OSBPL6: variants seen among roughly 807,000 people sequenced by gnomAD.
OSBPL6 encodes oxysterol binding protein like 6, also known as oxysterol-binding protein-related protein 6.
Under a neutral mutation model 125.8 loss-of-function variants are expected in OSBPL6, and 49 were observed. That is an observed-to-expected ratio of 0.39 (90% CI 0.31 to 0.49). The LOEUF is 0.49. OSBPL6 is among the 20% of genes least tolerant of loss of function. OSBPL6 has a pLI of 0.88. For synonymous variants in OSBPL6, 394 were observed against 391.8 expected (o/e 1.01, Z -0.07); for missense variants, 986 against 1,135.4 (o/e 0.87, Z 1.89).
At chr2:178,228,395 T>C (rs537852561) in intron 1 of OSBPL6, among the ~76,000 whole-genome samples, 58 of 151,996 alleles carry the variant, frequency 3.8e-4, no homozygotes, top group East Asian at 2.1e-3. Flanking sequence ...ATGAGCCGGG[T>C]GTGGTGGCGT....
intron 6 of OSBPL6, 40 bp from the exon 7 acceptor site, chr2:178,332,601 A>G (rs1330631277): frequency 1.4e-6 from 2 of 1,423,036 alleles, no homozygotes; most frequent in Non-Finnish European, 2.0e-6. Flanking sequence ...ACATCAAATC[A>G]TATATCCTTT....
chr2:178,278,346 G>A (rs2154028893), intron 1 of OSBPL6, among the ~76,000 whole-genome samples: 1 of 152,106 alleles, frequency 6.6e-6, no homozygotes, highest in African/African-American at 2.4e-5. Context: ...ATTTCTTAAG[G>A]GCAAGAGCCT....
chr2:178,294,521 C>T (rs1443145376), intron 2 of OSBPL6, among the ~76,000 whole-genome samples: 1 of 152,004 alleles, frequency 6.6e-6, no homozygotes, highest in African/African-American at 2.4e-5. Context: ...AATTTTAGTG[C>T]TAAGAGCAGG....
At chr2:178,333,347 T>A (rs1689398011) in intron 8 of OSBPL6, among the ~76,000 whole-genome samples, 2 of 152,182 alleles carry the variant, frequency 1.3e-5, no homozygotes, top group South Asian at 4.1e-4. Context: ...ATTGTGCCAC[T>A]ACTGAATAGC....
Position 178,266,506 on chromosome 2 carries a change from G to A in OSBPL6, c.-350-18421G>A, listed in dbSNP as rs115660524. Reference sequence around the variant, plus strand: ...AGCATGCTCTACCACAGAAGCCACCGGGCTTGTGGTTGATCAGCTTGCTCC... The same window carrying A: ...AGCATGCTCTACCACAGAAGCCACCAGGCTTGTGGTTGATCAGCTTGCTCC... On this transcript the variant is annotated intron_variant, in intron 1 of 24. Coordinates refer to ENST00000190611, the MANE Select transcript of OSBPL6 (RefSeq NM_032523.4). 4.0e-3 allele frequency among the ~76,000 whole-genome samples: 606 copies of A among 152,266 alleles called. 8 individuals are homozygous for A. The highest frequency in any genetic ancestry group is 0.014 in the African/African-American group (585 of 41,538).
chr2:178,391,979 G>A lies in OSBPL6; in HGVS notation c.2447-433G>A, dbSNP rs78909941. Among the ~76,000 whole-genome samples, 495 of 152,310 alleles carry A rather than the reference G, an allele frequency of 3.2e-3. 2 individuals are homozygous for A. Among genetic ancestry groups the A allele is most frequent in the Middle Eastern group, 0.014 (4 of 294 alleles). The stretch of plus-strand genomic sequence containing the variant: ...AATGAGCAAGACATACAAAGATCCT[G>A]CCTTCAAGTTTAGTTAAAAAGTGGC... On this transcript the variant is annotated intron_variant, in intron 22 of 24. Coordinates refer to ENST00000190611, the MANE Select transcript of OSBPL6 (RefSeq NM_032523.4).
At chr2:178,227,325 A>G (rs2090605808) in intron 1 of OSBPL6, among the ~76,000 whole-genome samples, 2 of 152,376 alleles carry the variant, frequency 1.3e-5, no homozygotes, top group South Asian at 2.1e-4. Context: ...TAGGGCAAAT[A>G]TGGATCCACA....
At chr2:178,300,869 GT>G (rs1345959290) in intron 2 of OSBPL6, among the ~76,000 whole-genome samples, 1 of 152,062 alleles carries the variant, frequency 6.6e-6, no homozygotes, top group Non-Finnish European at 1.5e-5. Context: ...TCAAATTATT[GT>G]CAAATATAAA....
chr2:178,340,900 T>C (rs1212292215), intron 11 of OSBPL6, among the ~76,000 whole-genome samples: 1 of 152,200 alleles, frequency 6.6e-6, no homozygotes, highest in Non-Finnish European at 1.5e-5. Context: ...CCATGGTTTT[T>C]TTTTATTAGA....
At chr2:178,252,261 T>A (rs1427078872) in intron 1 of OSBPL6, among the ~76,000 whole-genome samples, 1 of 152,240 alleles carries the variant, frequency 6.6e-6, no homozygotes, top group Admixed American at 6.5e-5. Context: ...ACAGCAGGGA[T>A]TGGCAAATTT....
At chr2:178,348,208 C>T (rs1690909865) in intron 11 of OSBPL6, among the ~76,000 whole-genome samples, 1 of 152,210 alleles carries the variant, frequency 6.6e-6, no homozygotes, top group African/African-American at 2.4e-5. Context: ...GTTCCTTCCT[C>T]CCACAGCACA....
intron 1 of OSBPL6, among the ~76,000 whole-genome samples, chr2:178,256,830 T>C (rs2091901259): frequency 6.6e-6 from 1 of 152,214 alleles, no homozygotes; most frequent in African/African-American, 2.4e-5. Context: ...TTGAGCCAGC[T>C]ACAGCACACC....
At chr2:178,259,099 G>T (rs1369798087) in intron 1 of OSBPL6, among the ~76,000 whole-genome samples, 2 of 152,178 alleles carry the variant, frequency 1.3e-5, no homozygotes, top group East Asian at 3.8e-4. Context: ...TCTTCTGAAG[G>T]TTGTTGTTGG....
At chr2:178,394,914 G>A (rs577608019) in intron 24 of OSBPL6, among the ~76,000 whole-genome samples, 36 of 152,292 alleles carry the variant, frequency 2.4e-4, no homozygotes, top group African/African-American at 8.4e-4. Context: ...ATTAATCTGA[G>A]GTTTCCAAAT....
At chr2:178,381,110 GAAGT>G (rs1452551455) in intron 15 of OSBPL6, among the ~76,000 whole-genome samples, 5 of 152,118 alleles carry the variant, frequency 3.3e-5, no homozygotes, top group Admixed American at 2.6e-4. Flanking sequence ...CATTTTGAAG[GAAGT>G]AAGTATCAGC....
At chr2:178,364,622 A>C (rs1419009636) in intron 13 of OSBPL6, among the ~76,000 whole-genome samples, 2 of 152,166 alleles carry the variant, frequency 1.3e-5, no homozygotes. Context: ...TGGGTATGTG[A>C]AAGTTATTGT....
intron 1 of OSBPL6, among the ~76,000 whole-genome samples, chr2:178,234,042 A>T (rs1364753697): frequency 6.6e-6 from 1 of 152,176 alleles, no homozygotes; most frequent in South Asian, 2.1e-4. Context: ...CTAATCATAT[A>T]GTCTTAAAGA....
chr2:178,385,558 G>T, intron 19 of OSBPL6, 37 bp downstream of exon 19: 1 of 1,476,012 alleles, frequency 6.8e-7, no homozygotes, highest in South Asian at 1.2e-5. Flanking sequence ...TCAAATGTAT[G>T]AGCCTATGAA....
At chr2:178,224,527 C>T (rs560218195) in intron 1 of OSBPL6, among the ~76,000 whole-genome samples, 4 of 152,286 alleles carry the variant, frequency 2.6e-5, no homozygotes, top group Admixed American at 2.0e-4. Flanking sequence ...TCCATTGCAG[C>T]CTGAGTAAAT....
Sources: gnomAD v4.1 joint callset for allele counts (sites outside exome capture counted in the v4.1 genomes callset) on GRCh38, gnomAD v4.1.1 for gene constraint, MANE v1.5 for transcripts, NCBI Gene and HGNC (gene_info 2026-07-23, HGNC 2026-07-21) for gene names.